Variants in SAMMSON observed in about 807,000 individuals in gnomAD.
SAMMSON encodes long intergenic non-protein coding RNA 1212.
chr3:70,349,293 G>T (rs1289804456), intron 7 of SAMMSON, among the ~76,000 whole-genome samples: 3 of 152,120 alleles, frequency 2.0e-5, no homozygotes, highest in African/African-American at 7.2e-5. Flanking sequence ...AAAATTGCTT[G>T]AACGCAGGAG....
chr3:70,379,590 A>T (rs907121987), intron 9 of SAMMSON, among the ~76,000 whole-genome samples: 2 of 152,150 alleles, frequency 1.3e-5, no homozygotes, highest in Non-Finnish European at 2.9e-5. Context: ...CTGGGCTTTG[A>T]TAGCTTCCCT....
intron 6 of SAMMSON, among the ~76,000 whole-genome samples, chr3:70,270,400 C>T (rs1336615097): frequency 6.6e-6 from 1 of 152,176 alleles, no homozygotes. Flanking sequence ...AAGAAAAACA[C>T]AGACCAAACA....
chr3:70,043,414 C>T (rs1289736155), intron 3 of SAMMSON, among the ~76,000 whole-genome samples: 1 of 151,992 alleles, frequency 6.6e-6, no homozygotes, highest in East Asian at 1.9e-4. Flanking sequence ...ATGTAGTTGG[C>T]CAGAAAGCTA....
chr3:70,408,150 C>T (rs1365815811), intron 2 of SAMMSON, among the ~76,000 whole-genome samples: 1 of 152,170 alleles, frequency 6.6e-6, no homozygotes, highest in Non-Finnish European at 1.5e-5. Flanking sequence ...GCACAGGGAC[C>T]CTGGGCCCTG....
intron 4 of SAMMSON, among the ~76,000 whole-genome samples, chr3:70,074,634 A>G (rs949526121): frequency 6.6e-6 from 1 of 152,142 alleles, no homozygotes; most frequent in Non-Finnish European, 1.5e-5. Context: ...ACACTTTTAG[A>G]TTCTGGAAGT....
chr3:70,070,899 A>T (rs2067226837), intron 3 of SAMMSON, among the ~76,000 whole-genome samples: 2 of 152,050 alleles, frequency 1.3e-5, no homozygotes, highest in Admixed American at 1.3e-4. Flanking sequence ...CCAAATTTTT[A>T]GTATGTTCCT....
chr3:70,285,995 C>A (rs1702158355), intron 6 of SAMMSON, among the ~76,000 whole-genome samples: 1 of 151,288 alleles, frequency 6.6e-6, no homozygotes, highest in Non-Finnish European at 1.5e-5. Context: ...AAATTTTCTC[C>A]CATTTTGTAG....
chr3:70,213,485 T>C (rs535846667), intron 4 of SAMMSON, among the ~76,000 whole-genome samples: 1 of 152,270 alleles, frequency 6.6e-6, no homozygotes, highest in South Asian at 2.1e-4. Context: ...CCCTTGGATT[T>C]AAACTATACT....
At chr3:70,093,215 C>A (rs997736917) in intron 4 of SAMMSON, among the ~76,000 whole-genome samples, 1 of 152,102 alleles carries the variant, frequency 6.6e-6, no homozygotes, top group Non-Finnish European at 1.5e-5. Flanking sequence ...CAGAATAATG[C>A]GCACTGACAG....
intron 4 of SAMMSON, among the ~76,000 whole-genome samples, chr3:70,207,666 A>G (rs1031005356): frequency 6.6e-6 from 1 of 152,124 alleles, no homozygotes; most frequent in Non-Finnish European, 1.5e-5. Flanking sequence ...TAAAAATGAT[A>G]CAAATAAAAA....
intron 4 of SAMMSON, among the ~76,000 whole-genome samples, chr3:70,092,986 G>A (rs2067310474): frequency 6.6e-6 from 1 of 151,406 alleles, no homozygotes; most frequent in Admixed American, 6.6e-5. Flanking sequence ...ATCCTCAGGG[G>A]GCTCTCCTGG....
chr3:70,228,709 T>A (rs1419857801), intron 4 of SAMMSON, among the ~76,000 whole-genome samples: 3 of 151,186 alleles, frequency 2.0e-5, no homozygotes, highest in Non-Finnish European at 4.4e-5. Context: ...ATGAAGGAAA[T>A]GTATATTCTT....
At chr3:70,181,524 C>A (rs1701053007) in intron 4 of SAMMSON, among the ~76,000 whole-genome samples, 1 of 152,182 alleles carries the variant, frequency 6.6e-6, no homozygotes, top group South Asian at 2.1e-4. Flanking sequence ...ATCTTCTTAA[C>A]CCGCAGTTTC....
chr3:70,246,018 C>T (rs900745550), intron 4 of SAMMSON, among the ~76,000 whole-genome samples: 2 of 151,200 alleles, frequency 1.3e-5, no homozygotes, highest in African/African-American at 4.9e-5. Flanking sequence ...CAATAACTTG[C>T]ATTGTTAAAT....
At chr3:70,345,762 T>TA (rs996098073) in intron 7 of SAMMSON, among the ~76,000 whole-genome samples, 4 of 24,120 alleles carry the variant, frequency 1.7e-4, no homozygotes, top group African/African-American at 4.7e-4. Context: ...TTTCAGACTG[T>TA]TTTTTTTAAC....
chr3:70,218,357 A>C (rs1701433970), intron 4 of SAMMSON, among the ~76,000 whole-genome samples: 1 of 152,142 alleles, frequency 6.6e-6, no homozygotes, highest in South Asian at 2.1e-4. Context: ...ATAGGCATGC[A>C]TTAGGTGGGC....
At chr3:70,353,995 T>C (rs1176372620) in intron 7 of SAMMSON, among the ~76,000 whole-genome samples, 1 of 152,090 alleles carries the variant, frequency 6.6e-6, no homozygotes. Flanking sequence ...ATTCTGAAAA[T>C]GACAAAATTA....
At position 70,267,245 on chromosome 3, in the gene SAMMSON, G is replaced by A. The variant is rs62256477; in HGVS notation, n.674+17575G>A. ...GTCTCATTTTTACGAAGGGCAGAAT[G>A]CAAAACAAGAATTGATGGGTAAATC... On this transcript the variant is annotated intron_variant and non_coding_transcript_variant, in intron 6 of 9. Transcript: ENST00000642114. Among the ~76,000 whole-genome samples the A allele has an allele frequency of 8.1e-3, 1,232 of 152,164 alleles. 8 individuals carry two copies. The highest frequency in any genetic ancestry group is 0.017 in the Middle Eastern group (5 of 294).
intron 6 of SAMMSON, among the ~76,000 whole-genome samples, chr3:70,270,602 C>G (rs745575954): frequency 7.2e-5 from 11 of 152,092 alleles, no homozygotes; most frequent in Non-Finnish European, 1.2e-4. Context: ...CACAGCTGGC[C>G]AGGGTTTTCT....
Sources: gnomAD v4.1 joint callset for allele counts (sites outside exome capture counted in the v4.1 genomes callset) on GRCh38, gnomAD v4.1.1 for gene constraint, MANE v1.5 for transcripts, NCBI Gene and HGNC (gene_info 2026-07-23, HGNC 2026-07-21) for gene names.